Variants in MERTK observed in about 807,000 individuals in gnomAD.
MERTK encodes tyrosine-protein kinase Mer.
A neutral mutation model predicts 99.3 loss-of-function variants in MERTK; 69 were observed. The observed-to-expected ratio is 0.70, with a 90% confidence interval of 0.57 to 0.85. The LOEUF is 0.85. MERTK is among the 40% of genes least tolerant of loss of function. The pLI, the probability that MERTK is intolerant of heterozygous loss-of-function variation, is 0.00. For missense variants in MERTK, 1,125 were observed against 1,249.4 expected, an observed-to-expected ratio of 0.90 and a Z score of 1.50; for synonymous variants, 426 against 467.6, an observed-to-expected ratio of 0.91 and a Z score of 1.15.
chr2:111,932,624 TAAAG>T (rs1040386839), intron 2 of MERTK, among the ~76,000 whole-genome samples: 6 of 152,162 alleles, frequency 3.9e-5, no homozygotes, highest in African/African-American at 9.7e-5. Context: ...TTGTAAGAGT[TAAAG>T]AAAGAGGAAA....
chr2:112,019,553 T>C (rs1677290206), intron 16 of MERTK, 31 bp downstream of exon 16: 1 of 1,507,826 alleles, frequency 6.6e-7, no homozygotes, highest in Admixed American at 1.7e-5. Flanking sequence ...TGGAAGGGTT[T>C]GGACCTCATG....
At chr2:111,976,401 G>A (rs79798002) in intron 7 of MERTK, among the ~76,000 whole-genome samples, 35,045 of 152,058 alleles carry the variant, frequency 0.23, 4,346 homozygotes, top group Middle Eastern at 0.36. Flanking sequence ...AAAGGAGGGC[G>A]GGAAGAGGTC....
At chr2:111,958,161 T>C (rs553917013) in intron 4 of MERTK, among the ~76,000 whole-genome samples, 1 of 152,256 alleles carries the variant, frequency 6.6e-6, no homozygotes, top group African/African-American at 2.4e-5. Flanking sequence ...TTGTGGGGGT[T>C]CCAGTGCCCG....
chr2:111,923,986 CCA>C (rs1186165174), intron 1 of MERTK, among the ~76,000 whole-genome samples: 1 of 152,018 alleles, frequency 6.6e-6, no homozygotes, highest in Non-Finnish European at 1.5e-5. Flanking sequence ...CCCAGTGCCC[CCA>C]CACAGGGCTG....
intron 2 of MERTK, chr2:111,940,569 A>C (rs1190056941): frequency 3.2e-6 from 2 of 633,554 alleles, no homozygotes; most frequent in African/African-American, 3.6e-5. Flanking sequence ...CCAAAATTTG[A>C]ATTGCCTTAA....
chr2:111,994,737 C>A, intron 9 of MERTK: 1 of 371,206 alleles, frequency 2.7e-6, no homozygotes. Context: ...TATGATCACA[C>A]CACTGTACTC....
At chr2:111,920,940 G>A (rs571642602) in intron 1 of MERTK, among the ~76,000 whole-genome samples, 1 of 152,352 alleles carries the variant, frequency 6.6e-6, no homozygotes, top group East Asian at 1.9e-4. Flanking sequence ...ACAGGCGTGA[G>A]CCACTGCGAC....
chr2:111,978,596 G>T (rs1474220499), intron 7 of MERTK, among the ~76,000 whole-genome samples: 1 of 152,132 alleles, frequency 6.6e-6, no homozygotes, highest in Non-Finnish European at 1.5e-5. Context: ...GGGATTATAG[G>T]CATGAGCCAC....
chr2:111,960,657 T>G (rs1349418824), intron 4 of MERTK, among the ~76,000 whole-genome samples: 2 of 151,952 alleles, frequency 1.3e-5, no homozygotes, highest in Admixed American at 1.3e-4. Context: ...TCAAGGTATA[T>G]ATATGTTTTT....
chr2:112,014,741 T>C (rs918210295), intron 15 of MERTK, among the ~76,000 whole-genome samples: 1 of 152,002 alleles, frequency 6.6e-6, no homozygotes, highest in African/African-American at 2.4e-5. Flanking sequence ...GTTCTAGCAA[T>C]TCTCCTGCCT....
chr2:111,970,736 CT>C (rs1168513963), intron 6 of MERTK, among the ~76,000 whole-genome samples: 1 of 122,598 alleles, frequency 8.2e-6, no homozygotes, highest in Non-Finnish European at 1.7e-5. Flanking sequence ...CTTCCTCCCC[CT>C]ACTCCTCCCT....
chr2:112,002,825 T>C lies in MERTK; in HGVS notation c.1691-267T>C, dbSNP rs145648513. ...CCGTCTCTACTGAAAATACATAAATTAGCTGGGTGTGGTGGTGCATGCCTG... is the reference window on the plus strand; with the variant it reads ...CCGTCTCTACTGAAAATACATAAATCAGCTGGGTGTGGTGGTGCATGCCTG... On this transcript the variant is annotated intron_variant, in intron 11 of 18. Coordinates refer to ENST00000295408, the MANE Select transcript of MERTK (RefSeq NM_006343.3). 1.3e-3 allele frequency among the ~76,000 whole-genome samples: 196 copies of C among 152,138 alleles called. 1 individual carries two copies. The highest frequency in any genetic ancestry group is 1.3e-3 in the Non-Finnish European group (89 of 67,980).
At chr2:111,902,461 T>C (rs1014581111) in intron 1 of MERTK, among the ~76,000 whole-genome samples, 2 of 152,192 alleles carry the variant, frequency 1.3e-5, no homozygotes, top group Non-Finnish European at 2.9e-5. Flanking sequence ...CCTACTAGAA[T>C]TTGCAGAGAC....
intron 8 of MERTK, among the ~76,000 whole-genome samples, chr2:111,988,615 G>A (rs976262008): frequency 6.6e-6 from 1 of 152,178 alleles, no homozygotes; most frequent in African/African-American, 2.4e-5. Context: ...ATGCCAGATC[G>A]TGTACTATGT....
intron 2 of MERTK, chr2:111,941,001 G>T: frequency 1.7e-6 from 1 of 573,220 alleles, no homozygotes; most frequent in South Asian, 1.6e-5. Flanking sequence ...CGGCGGGGTT[G>T]TGGTAGTCAA....
chr2:111,954,915 A>C (rs1282670358), intron 4 of MERTK, among the ~76,000 whole-genome samples: 1 of 152,146 alleles, frequency 6.6e-6, no homozygotes, highest in African/African-American at 2.4e-5. Context: ...ACTTATTTTT[A>C]ATTAATTTTT....
intron 7 of MERTK, among the ~76,000 whole-genome samples, chr2:111,982,093 C>G (rs1676385584): frequency 6.6e-6 from 1 of 151,446 alleles, no homozygotes; most frequent in South Asian, 2.1e-4. Flanking sequence ...AGGGTCTTGC[C>G]CTGTCACCCA....
chr2:112,028,886 C>G lies in MERTK; in HGVS notation c.*22C>G. 6.2e-7 allele frequency: 1 copy of G among 1,613,332 alleles called. No individual in the cohort carries two copies. The highest frequency in any genetic ancestry group is 8.5e-7 in the Non-Finnish European group (1 of 1,180,016). On this transcript the variant is annotated 3_prime_UTR_variant, in exon 19 of 19. Coordinates refer to ENST00000295408, the MANE Select transcript of MERTK (RefSeq NM_006343.3). ...GTGAGGAGAGGTGCGGGGAGACATT[C>G]CAAAAATCAAGCCAATTCTTCTGCT...
intron 15 of MERTK, among the ~76,000 whole-genome samples, chr2:112,014,123 G>T (rs867994034): frequency 1.3e-5 from 2 of 151,116 alleles, no homozygotes; most frequent in Admixed American, 6.6e-5. Context: ...CTGGGTTCAC[G>T]CCATTCTCCT....
Sources: gnomAD v4.1 joint callset for allele counts (sites outside exome capture counted in the v4.1 genomes callset) on GRCh38, gnomAD v4.1.1 for gene constraint, MANE v1.5 for transcripts, NCBI Gene and HGNC (gene_info 2026-07-23, HGNC 2026-07-21) for gene names.